The following FAAH2 variants were observed in gnomAD, a reference collection of about 807,000 sequenced individuals.
FAAH2 encodes the protein fatty-acid amide hydrolase 2.
Under a neutral mutation model 36.9 loss-of-function variants are expected in FAAH2, and 60 were observed. The ratio of observed to expected loss-of-function variants is 1.63; its 90% CI spans 1.32 to 2.02. FAAH2 has a LOEUF of 2.02. Ranked by LOEUF, FAAH2 falls within the 30% of genes most tolerant of loss-of-function variation. The pLI, the probability that FAAH2 is intolerant of heterozygous loss-of-function variation, is 0.00. For synonymous variants in FAAH2, 214 were observed against 143.8 expected, an observed-to-expected ratio of 1.49 and a Z score of -3.49; for missense variants, 689 against 397.5, an observed-to-expected ratio of 1.73 and a Z score of -6.23.
intron 2 of FAAH2, among the ~76,000 whole-genome samples, chrX:57,301,607 T>TATAATA (rs200729067): frequency 5.6e-4 from 56 of 100,238 alleles, no homozygotes; most frequent in African/African-American, 2.0e-3. Context: ...AAACTTAAAG[T>TATAATA]ATAATAATAA....
At chrX:57,300,117 A>G (rs1321532960) in intron 2 of FAAH2, among the ~76,000 whole-genome samples, 2 of 111,670 alleles carry the variant, frequency 1.8e-5, no homozygotes, top group Non-Finnish European at 3.8e-5. Flanking sequence ...TTTAAAGTTC[A>G]TATAGAACCA....
intron 10 of FAAH2, among the ~76,000 whole-genome samples, chrX:57,453,855 G>A (rs948705324): frequency 6.2e-5 from 7 of 112,328 alleles, no homozygotes; most frequent in Admixed American, 4.7e-4. Flanking sequence ...GAGAAGTGGA[G>A]ATACCCAGGT....
the FAAH2 span, among the ~76,000 whole-genome samples, chrX:57,267,843 A>C: frequency 8.9e-6 from 1 of 112,574 alleles, no homozygotes; most frequent in East Asian, 2.8e-4. Context: ...AAAGAAAAAA[A>C]ATTAAAATGT....
the FAAH2 span, among the ~76,000 whole-genome samples, chrX:57,177,266 C>T: frequency 1.8e-5 from 2 of 108,725 alleles, no homozygotes; most frequent in African/African-American, 6.7e-5. Context: ...CAATCTGCCT[C>T]CCAATCATCC....
intron 8 of FAAH2, among the ~76,000 whole-genome samples, chrX:57,438,686 G>A (rs1369188220): frequency 9.2e-6 from 1 of 108,709 alleles, no homozygotes; most frequent in African/African-American, 3.3e-5. Context: ...GTGCCATGTT[G>A]GTGTGCTGCA....
the FAAH2 span, among the ~76,000 whole-genome samples, chrX:57,245,408 C>G: frequency 8.9e-6 from 1 of 111,922 alleles, no homozygotes; most frequent in Non-Finnish European, 1.9e-5. Flanking sequence ...CTCTCCACCC[C>G]AAATCAACAG....
the FAAH2 span, among the ~76,000 whole-genome samples, chrX:57,177,675 G>A: frequency 4.3e-5 from 4 of 93,886 alleles, no homozygotes; most frequent in Non-Finnish European, 6.2e-5. Flanking sequence ...TCTGTATACA[G>A]ATGCATCTAC....
chrX:57,415,163 C>G (rs2055807961), intron 7 of FAAH2, among the ~76,000 whole-genome samples: 1 of 108,807 alleles, frequency 9.2e-6, no homozygotes, highest in Non-Finnish European at 1.9e-5. Context: ...TTTTGTAGAT[C>G]TGTACAAAAA....
At chrX:57,259,189 A>G in the FAAH2 span, among the ~76,000 whole-genome samples, 1 of 111,946 alleles carries the variant, frequency 8.9e-6, no homozygotes, top group Non-Finnish European at 1.9e-5. Flanking sequence ...AACAGCATGG[A>G]TAGAGGTCTC....
intron 1 of FAAH2, among the ~76,000 whole-genome samples, chrX:57,287,971 C>T (rs2051856753): frequency 1.8e-5 from 2 of 111,279 alleles, no homozygotes; most frequent in Admixed American, 9.5e-5. Context: ...TGCCGTACCC[C>T]CTCCCCAGCC....
At chrX:57,200,304 C>G in the FAAH2 span, among the ~76,000 whole-genome samples, 8 of 106,384 alleles carry the variant, frequency 7.5e-5, no homozygotes, top group African/African-American at 2.7e-4. Context: ...AATCCATTAA[C>G]AACTTTAACA....
At chrX:57,161,673 G>A in the FAAH2 span, among the ~76,000 whole-genome samples, 3 of 111,299 alleles carry the variant, frequency 2.7e-5, no homozygotes, top group African/African-American at 6.6e-5. Flanking sequence ...TCAGAAACTA[G>A]GATTGCAACC....
chrX:57,408,728 A>T (rs1180779785), intron 7 of FAAH2, among the ~76,000 whole-genome samples: 1 of 110,786 alleles, frequency 9.0e-6, no homozygotes, highest in Non-Finnish European at 1.9e-5. Context: ...TTGTGTTGAG[A>T]TACATTTCTT....
chrX:57,221,857 C>T, the FAAH2 span, among the ~76,000 whole-genome samples: 1 of 110,039 alleles, frequency 9.1e-6, no homozygotes, highest in African/African-American at 3.3e-5. Context: ...AGAGACAGCC[C>T]CCACTTTTCT....
the FAAH2 span, among the ~76,000 whole-genome samples, chrX:57,243,059 TG>T: frequency 1.8e-5 from 2 of 111,594 alleles, no homozygotes; most frequent in Non-Finnish European, 3.8e-5. Flanking sequence ...TGCTCCAGGT[TG>T]GTGGGGGGAG....
At chrX:57,320,862 G>A (rs1379016808) in intron 3 of FAAH2, among the ~76,000 whole-genome samples, 2 of 111,890 alleles carry the variant, frequency 1.8e-5, no homozygotes, top group African/African-American at 3.2e-5. Context: ...GAGTTGGCTG[G>A]GTGTGGTGGC....
chrX:57,264,398 A>G, the FAAH2 span, among the ~76,000 whole-genome samples: 1 of 112,879 alleles, frequency 8.9e-6, no homozygotes, highest in Non-Finnish European at 1.9e-5. Flanking sequence ...TTTCAAAAGA[A>G]GACGCATATG....
intron 7 of FAAH2, among the ~76,000 whole-genome samples, chrX:57,398,182 T>C: frequency 8.9e-6 from 1 of 112,308 alleles, no homozygotes; most frequent in East Asian, 2.8e-4. Context: ...ATCGTGCTGC[T>C]ATAAAGACAC....
At chrX:57,475,451 G>A (rs746688121) in intron 10 of FAAH2, among the ~76,000 whole-genome samples, 9 of 111,114 alleles carry the variant, frequency 8.1e-5, no homozygotes, top group Non-Finnish European at 1.3e-4. Context: ...TAAATAGTGC[G>A]TCTTTCCCCA....
Sources: gnomAD v4.1 joint callset for allele counts (sites outside exome capture counted in the v4.1 genomes callset) on GRCh38, gnomAD v4.1.1 for gene constraint, MANE v1.5 for transcripts, NCBI Gene and HGNC (gene_info 2026-07-23, HGNC 2026-07-21) for gene names.